DOCK2: variants seen among roughly 807,000 people sequenced by gnomAD.
DOCK2 encodes the protein dedicator of cytokinesis 2.
In DOCK2, 87 loss-of-function variants were observed where a neutral mutation model predicts 248.9. That is an observed-to-expected ratio of 0.35 (90% CI 0.29 to 0.42). DOCK2 has a LOEUF of 0.42. Ranked by LOEUF, DOCK2 falls within the 10% of genes least tolerant of loss-of-function variation. The probability of loss-of-function intolerance (pLI) is 1.00; values close to 1 mark genes in which losing one functional copy is unlikely to be tolerated. For synonymous variants in DOCK2, 805 were observed against 821.6 expected, an observed-to-expected ratio of 0.98 and a Z score of 0.35; for missense variants, 1,747 against 2,300.2, an observed-to-expected ratio of 0.76 and a Z score of 4.92.
In DOCK2 at chr5:170,050,538, G is replaced by A; in HGVS notation, c.4213+141G>A. ...GCCATGTTGCAGGAACATGCAACATGTTCTTTGGATCCATGTTCTTTGGAT... is the reference window on the plus strand; with the variant it reads ...GCCATGTTGCAGGAACATGCAACATATTCTTTGGATCCATGTTCTTTGGAT... On this transcript the variant is annotated intron_variant, in intron 41 of 51. Coordinates refer to ENST00000520908, the MANE Select transcript of DOCK2 (RefSeq NM_004946.3). 26 of 1,006,994 alleles carry A rather than the reference G, an allele frequency of 2.6e-5. 1 individual carries two copies. The South Asian group carries it at 3.2e-4, about 13-fold the overall frequency. 62.4% of individuals were successfully genotyped at this position (1,006,994 alleles called of 1,614,324 possible). A position where few individuals can be genotyped will look rare whatever the true frequency, so the allele number is the denominator to read the frequency against.
chr5:169,874,491 T>C (rs1289798121), intron 27 of DOCK2, among the ~76,000 whole-genome samples: 1 of 151,588 alleles, frequency 6.6e-6, no homozygotes, highest in African/African-American at 2.4e-5. Context: ...TGGTGGCAGA[T>C]TCTGCGTGGC....
intron 5 of DOCK2, among the ~76,000 whole-genome samples, chr5:169,672,195 A>T (rs1012191838): frequency 6.6e-6 from 1 of 151,856 alleles, no homozygotes; most frequent in Non-Finnish European, 1.5e-5. Context: ...TTTAGTAGAG[A>T]TGGGGTTTCA....
intron 14 of DOCK2, among the ~76,000 whole-genome samples, chr5:169,705,690 C>G (rs1053132220): frequency 1.3e-5 from 2 of 152,172 alleles, no homozygotes; most frequent in Non-Finnish European, 2.9e-5. Flanking sequence ...GCATGCTAAT[C>G]GACATCCCAT....
intron 32 of DOCK2, among the ~76,000 whole-genome samples, chr5:170,011,282 T>A (rs1471684601): frequency 6.6e-6 from 1 of 152,158 alleles, no homozygotes; most frequent in African/African-American, 2.4e-5. Context: ...TCTGGTCCAA[T>A]TCACTATTTT....
intron 46 of DOCK2, among the ~76,000 whole-genome samples, chr5:170,073,926 T>C (rs1757759001): frequency 6.6e-6 from 1 of 152,142 alleles, no homozygotes. Flanking sequence ...AAATTTGTTT[T>C]CTATTTTTAT....
At chr5:169,745,886 G>A (rs537548713) in intron 22 of DOCK2, among the ~76,000 whole-genome samples, 2 of 152,196 alleles carry the variant, frequency 1.3e-5, no homozygotes, top group African/African-American at 2.4e-5. Context: ...GGAGTGAGCT[G>A]TGTAAAAGCC....
chr5:169,957,870 TCCTTAAACATGCCTATTTG>T (rs1776931256), intron 27 of DOCK2, among the ~76,000 whole-genome samples: 1 of 152,140 alleles, frequency 6.6e-6, no homozygotes, highest in Admixed American at 6.5e-5. Flanking sequence ...ATTTATTATT[TCCTTAAACATGCCTATTTG>T]CAGAGACACA....
chr5:169,813,066 G>C (rs183856356), intron 26 of DOCK2, among the ~76,000 whole-genome samples: 1 of 152,368 alleles, frequency 6.6e-6, no homozygotes, highest in Admixed American at 6.5e-5. Flanking sequence ...CCTTTCAGGG[G>C]CTCCTGCGGG....
intron 26 of DOCK2, among the ~76,000 whole-genome samples, chr5:169,824,071 G>A (rs995718995): frequency 8.5e-5 from 13 of 152,174 alleles, no homozygotes; most frequent in Non-Finnish European, 1.9e-4. Context: ...CAAGGGATGT[G>A]AAGGACCTCT....
chr5:170,065,735 C>G (rs1177351840), intron 44 of DOCK2, among the ~76,000 whole-genome samples: 1 of 152,126 alleles, frequency 6.6e-6, no homozygotes, highest in African/African-American at 2.4e-5. Context: ...ATCACAAGAA[C>G]AGCATGGGAA....
intron 26 of DOCK2, among the ~76,000 whole-genome samples, chr5:169,820,270 T>C (rs957135991): frequency 6.6e-6 from 1 of 151,964 alleles, no homozygotes; most frequent in Admixed American, 6.5e-5. Context: ...TTGAAGAGAG[T>C]AGTGGTTCTC....
chr5:169,748,117 G>A (rs367729452), intron 23 of DOCK2, among the ~76,000 whole-genome samples: 1 of 152,090 alleles, frequency 6.6e-6, no homozygotes, highest in Non-Finnish European at 1.5e-5. Flanking sequence ...GTGAATAAAC[G>A]AAGCCCAAAC....
intron 27 of DOCK2, among the ~76,000 whole-genome samples, chr5:169,929,741 C>CAAA (rs1211612989): frequency 0.01 from 639 of 62,812 alleles, 13 homozygotes; most frequent in African/African-American, 0.034. Flanking sequence ...GACCCTGTCT[C>CAAA]AAAAAAAAAA....
intron 25 of DOCK2, among the ~76,000 whole-genome samples, chr5:169,781,351 GA>G (rs1236263476): frequency 1.1e-4 from 16 of 152,186 alleles, no homozygotes; most frequent in African/African-American, 3.9e-4. Context: ...CTAAGAGCTG[GA>G]AAATTTAAAC....
intron 32 of DOCK2, among the ~76,000 whole-genome samples, chr5:170,014,772 G>A (rs1755449806): frequency 6.6e-6 from 1 of 152,080 alleles, no homozygotes; most frequent in African/African-American, 2.4e-5. Context: ...AGGGTGGCTA[G>A]GTGAGAGGCA....
intron 33 of DOCK2, among the ~76,000 whole-genome samples, chr5:170,019,555 G>A (rs1364123037): frequency 6.6e-6 from 1 of 152,138 alleles, no homozygotes; most frequent in Non-Finnish European, 1.5e-5. Context: ...GATAGCAGAT[G>A]GAGTTAGGGA....
intron 27 of DOCK2, among the ~76,000 whole-genome samples, chr5:169,935,820 C>A (rs13153416): frequency 0.023 from 3,546 of 152,204 alleles, 63 homozygotes; most frequent in Non-Finnish European, 0.037. Context: ...TCTGGTAGAA[C>A]GAGACATTAT....
intron 3 of DOCK2, 108 bp downstream of exon 3, chr5:169,669,436 C>A (rs1561583903): frequency 8.9e-6 from 11 of 1,231,206 alleles, no homozygotes; most frequent in Non-Finnish European, 1.3e-5. Context: ...AAAGGGAATC[C>A]ATCTCTCCCT....
At chr5:170,079,833 G>A (rs550510057) in intron 49 of DOCK2, 14 of 209,350 alleles carry the variant, frequency 6.7e-5, no homozygotes, top group Non-Finnish European at 1.2e-4. Flanking sequence ...GGGCCCTCCA[G>A]AAACTTCCCA....
Sources: gnomAD v4.1 joint callset for allele counts (sites outside exome capture counted in the v4.1 genomes callset) on GRCh38, gnomAD v4.1.1 for gene constraint, MANE v1.5 for transcripts, NCBI Gene and HGNC (gene_info 2026-07-23, HGNC 2026-07-21) for gene names.